The following NAALADL2 variants were observed in gnomAD, a reference collection of about 807,000 sequenced individuals.
NAALADL2 encodes the protein N-acetylated alpha-linked acidic dipeptidase like 2.
In NAALADL2, 76 loss-of-function variants were observed where a neutral mutation model predicts 87.2. That is an observed-to-expected ratio of 0.87 (90% CI 0.72 to 1.05). The LOEUF is 1.05. Ranked by LOEUF, NAALADL2 falls within the 50% of genes least tolerant of loss-of-function variation. NAALADL2 has a pLI of 0.00. For missense variants in NAALADL2, 1,089 were observed against 945.8 expected, an observed-to-expected ratio of 1.15 and a Z score of -1.99; for synonymous variants, 354 against 331.0, an observed-to-expected ratio of 1.07 and a Z score of -0.75.
At chr3:174,815,971 T>C (rs1179117131) in intron 3 of NAALADL2, among the ~76,000 whole-genome samples, 2 of 151,632 alleles carry the variant, frequency 1.3e-5, no homozygotes, top group East Asian at 1.9e-4. Flanking sequence ...TACTTAGAGA[T>C]AGGAATTCAA....
At position 175,383,407 on chromosome 3, in the gene NAALADL2, G is replaced by A. The variant is rs536529419; in HGVS notation, c.1090+59082G>A. The stretch of plus-strand genomic sequence containing the variant: ...CTAATTAATATATCCCTCACTTCAC[G>A]TCCATATCAGTTTTTTGTGATGAGA... On this transcript the variant is annotated intron_variant, in intron 5 of 13. Coordinates refer to ENST00000454872, the MANE Select transcript of NAALADL2 (RefSeq NM_207015.3). Among the ~76,000 whole-genome samples, 172 of 142,362 alleles carry A rather than the reference G, an allele frequency of 1.2e-3. 1 individual carries two copies. Among genetic ancestry groups the A allele is most frequent in the Admixed American group, 3.9e-3 (56 of 14,350 alleles). The allele number at this position is 142,362 out of a possible 152,430, so 93.4% of individuals were successfully genotyped here.
chr3:174,680,675 CTT>C (rs1205656626), intron 2 of NAALADL2, among the ~76,000 whole-genome samples: 2 of 152,108 alleles, frequency 1.3e-5, no homozygotes, highest in Non-Finnish European at 2.9e-5. Flanking sequence ...CTACGACAGT[CTT>C]TGCTTTTGGA....
At chr3:175,741,589 T>G (rs1310327628) in intron 12 of NAALADL2, among the ~76,000 whole-genome samples, 1 of 152,126 alleles carries the variant, frequency 6.6e-6, no homozygotes, top group Non-Finnish European at 1.5e-5. Context: ...ATAGCTGTTT[T>G]TTTTTTAGGA....
chr3:175,257,550 A>G (rs1750208376), intron 4 of NAALADL2, among the ~76,000 whole-genome samples: 1 of 143,498 alleles, frequency 7.0e-6, no homozygotes, highest in Non-Finnish European at 1.5e-5. Flanking sequence ...TTAACCCAGA[A>G]TTTCCTGTTC....
chr3:175,124,414 C>T (rs2108585503), intron 2 of NAALADL2: 1 of 151,976 alleles, frequency 6.6e-6, no homozygotes, highest in Admixed American at 6.6e-5. Context: ...ACACTTTTTA[C>T]CTCAGGGTCA....
chr3:175,053,450 C>T (rs1482474182), intron 1 of NAALADL2, among the ~76,000 whole-genome samples: 1 of 152,106 alleles, frequency 6.6e-6, no homozygotes, highest in Non-Finnish European at 1.5e-5. Context: ...AGTTGGGATC[C>T]TCCTCAGCAT....
intron 2 of NAALADL2, among the ~76,000 whole-genome samples, chr3:174,736,360 G>A (rs1239745162): frequency 6.6e-6 from 1 of 152,168 alleles, no homozygotes; most frequent in East Asian, 1.9e-4. Context: ...AATGGAGGGT[G>A]AGCAAGGTGA....
chr3:175,803,710 C>A lies in NAALADL2; in HGVS notation c.*507C>A, dbSNP rs559062997. The A allele has an allele frequency of 2.6e-4, 39 of 152,438 alleles. No individual in the cohort carries two copies. In the South Asian group the frequency reaches 7.3e-3, roughly 28 times the overall value. 9.4% of individuals were successfully genotyped at this position (152,438 alleles called of 1,614,324 possible). A position where few individuals can be genotyped will look rare whatever the true frequency, so the allele number is the denominator to read the frequency against. On this transcript the variant is annotated 3_prime_UTR_variant, in exon 14 of 14. Transcript: ENST00000454872. Reference sequence around the variant, plus strand: ...TTGACCTAAACCACTTTGAATGTTTCTATTTTATGAAATGAAGTTTCTCTT... The same window carrying A: ...TTGACCTAAACCACTTTGAATGTTTATATTTTATGAAATGAAGTTTCTCTT...
chr3:174,751,842 T>C (rs1467760191), intron 3 of NAALADL2, among the ~76,000 whole-genome samples: 1 of 142,158 alleles, frequency 7.0e-6, no homozygotes, highest in African/African-American at 2.7e-5. Context: ...ATATTGACTT[T>C]AGAGATTATG....
chr3:175,156,567 T>C (rs116317515), intron 2 of NAALADL2, among the ~76,000 whole-genome samples: 4,907 of 145,160 alleles, frequency 0.034, 154 homozygotes, highest in South Asian at 0.14. Flanking sequence ...TAATGTATCC[T>C]ATATTTTTGT....
intron 9 of NAALADL2, among the ~76,000 whole-genome samples, chr3:175,498,588 G>C (rs1486121067): frequency 6.6e-6 from 1 of 152,012 alleles, no homozygotes; most frequent in Non-Finnish European, 1.5e-5. Context: ...TCTTGAATTA[G>C]GCTCATCTGG....
At position 175,562,970 on chromosome 3, in the gene NAALADL2, G is replaced by GTA. The variant is rs1716514525; in HGVS notation, c.1654-13069_1654-13068dup. ...ATAGGAGGGGTGTGTGTGTGTGTGT[G>GTA]TATGTGTGTGTGTTGGTTATGTAGT... is the stretch of plus-strand genomic sequence containing the variant. On this transcript the variant is annotated intron_variant, in intron 9 of 13. Coordinates refer to ENST00000454872, the MANE Select transcript of NAALADL2 (RefSeq NM_207015.3). 4.0e-5 allele frequency among the ~76,000 whole-genome samples: 6 copies of GTA among 150,784 alleles called. No individual in the cohort carries two copies. In the South Asian group the frequency reaches 1.0e-3, roughly 26 times the overall value.
At chr3:175,383,819 T>C (rs901542440) in intron 5 of NAALADL2, among the ~76,000 whole-genome samples, 1 of 152,082 alleles carries the variant, frequency 6.6e-6, no homozygotes, top group African/African-American at 2.4e-5. Context: ...GAAATATAGT[T>C]TACTATGTGT....
Position 174,561,633 on chromosome 3 carries a change from A to C in NAALADL2, c.-115+10996A>C, listed in dbSNP as rs187507030. 4.0e-3 allele frequency among the ~76,000 whole-genome samples: 611 copies of C among 152,220 alleles called. 15 individuals carry two copies. The highest frequency in any genetic ancestry group is 8.7e-4 in the Non-Finnish European group (59 of 68,026). On this transcript the variant is annotated intron_variant, in intron 2 of 3. Transcript: ENST00000434257. The stretch of plus-strand genomic sequence containing the variant: ...AGATTCTTGCTAAACTGACTTAGCA[A>C]AGTTGTTTGCTGCAACTGGATTTGG...
At chr3:175,272,235 C>G (rs1444485509) in intron 4 of NAALADL2, among the ~76,000 whole-genome samples, 1 of 152,126 alleles carries the variant, frequency 6.6e-6, no homozygotes, top group East Asian at 1.9e-4. Context: ...ATGGCAAATT[C>G]TATACTTTTT....
chr3:175,363,372 AT>A (rs1395612867), intron 5 of NAALADL2, among the ~76,000 whole-genome samples: 7 of 147,670 alleles, frequency 4.7e-5, no homozygotes, highest in African/African-American at 1.7e-4. Flanking sequence ...TTTTCTTCCA[AT>A]ATTATTGATT....
At chr3:175,742,491 G>GGAAGCTCCGCCTCCC (rs1406145960) in intron 12 of NAALADL2, among the ~76,000 whole-genome samples, 2 of 150,070 alleles carry the variant, frequency 1.3e-5, no homozygotes, top group African/African-American at 2.5e-5. Context: ...TCCGCCTCCC[G>GGAAGCTCCGCCTCCC]GGTTCACGCC....
chr3:174,461,623 T>C (rs1478395472), intron 1 of NAALADL2, among the ~76,000 whole-genome samples: 1 of 152,134 alleles, frequency 6.6e-6, no homozygotes, highest in Non-Finnish European at 1.5e-5. Flanking sequence ...TTACAAACTT[T>C]GTAGTAACTT....
chr3:175,055,734 A>G (rs1250409862), intron 1 of NAALADL2, among the ~76,000 whole-genome samples: 4 of 151,950 alleles, frequency 2.6e-5, no homozygotes, highest in Admixed American at 2.6e-4. Flanking sequence ...CGGTGGCCTG[A>G]CTCGCTGAGT....
Sources: gnomAD v4.1 joint callset for allele counts (sites outside exome capture counted in the v4.1 genomes callset) on GRCh38, gnomAD v4.1.1 for gene constraint, MANE v1.5 for transcripts, NCBI Gene and HGNC (gene_info 2026-07-23, HGNC 2026-07-21) for gene names.